Variants in RGS6 observed in about 807,000 individuals in gnomAD.
RGS6 encodes regulator of G-protein signaling 6.
Under a neutral mutation model 78.5 loss-of-function variants are expected in RGS6, and 30 were observed. That is an observed-to-expected ratio of 0.38 (90% CI 0.29 to 0.52). The LOEUF (loss-of-function observed/expected upper bound fraction) is 0.52. RGS6 is among the 20% of genes least tolerant of loss of function. The pLI, the probability that RGS6 is intolerant of heterozygous loss-of-function variation, is 0.85. For missense variants in RGS6, 495 were observed against 609.7 expected (o/e 0.81, Z 1.98); for synonymous variants, 206 against 206.0 (o/e 1.00, Z 0.00).
chr14:72,200,034 T>A (rs763507), intron 2 of RGS6, among the ~76,000 whole-genome samples: 1 of 151,950 alleles, frequency 6.6e-6, no homozygotes, highest in Non-Finnish European at 1.5e-5. Context: ...TAACCATTTC[T>A]GCACTGTGCT....
chr14:72,061,685 T>C (rs560797354), intron 2 of RGS6, among the ~76,000 whole-genome samples: 59 of 152,262 alleles, frequency 3.9e-4, no homozygotes, highest in African/African-American at 1.4e-3. Context: ...AAAAGACCAA[T>C]TATGAGTTAT....
chr14:72,603,081 C>G, the RGS6 span, among the ~76,000 whole-genome samples: 1 of 152,204 alleles, frequency 6.6e-6, no homozygotes, highest in Non-Finnish European at 1.5e-5. Context: ...GGGACTAAAT[C>G]TAATAATGTA....
At chr14:72,009,922 A>G (rs1280845365) in intron 2 of RGS6, among the ~76,000 whole-genome samples, 1 of 152,208 alleles carries the variant, frequency 6.6e-6, no homozygotes, top group East Asian at 1.9e-4. Flanking sequence ...TGCTGGAGGA[A>G]TCTAAATCCT....
chr14:72,065,516 T>C, intron 2 of RGS6, among the ~76,000 whole-genome samples: 1 of 152,194 alleles, frequency 6.6e-6, no homozygotes. Flanking sequence ...TTTATTATAA[T>C]TTACCCATGC....
chr14:71,892,958 A>T, the RGS6 span, among the ~76,000 whole-genome samples: 1 of 152,266 alleles, frequency 6.6e-6, no homozygotes, highest in Non-Finnish European at 1.5e-5. Context: ...AGCCAGCTTC[A>T]TGGGACGGCA....
chr14:71,935,802 C>G (rs1265859726), intron 1 of RGS6, among the ~76,000 whole-genome samples: 3 of 151,752 alleles, frequency 2.0e-5, no homozygotes, highest in African/African-American at 7.3e-5. Context: ...GTATTTATTG[C>G]TTTGACATGA....
chr14:72,541,290 G>A lies in RGS6; in HGVS notation c.1422+1196G>A, dbSNP rs377503446. On this transcript the variant is annotated intron_variant, in intron 17 of 17. Coordinates refer to ENST00000553525, the MANE Select transcript of RGS6 (RefSeq NM_001204424.2). ...AAAGTCTAAGGCTCCTGGGTTGAAA[G>A]CAGCCTAGTCATTTACGTGTCGTAG... 1.2e-5 allele frequency: 11 copies of A among 921,700 alleles called. No homozygotes were observed. The African/African-American group carries it at 1.4e-4, about 12-fold the overall frequency. The allele number at this position is 921,700 out of a possible 1,614,324, so 57.1% of individuals were successfully genotyped here.
the RGS6 span, among the ~76,000 whole-genome samples, chr14:72,607,901 A>C: frequency 6.6e-6 from 1 of 152,206 alleles, no homozygotes; most frequent in African/African-American, 2.4e-5. Flanking sequence ...ACGGCCCCAC[A>C]TTATGCTTAG....
chr14:71,993,586 C>T (rs2095060992), intron 2 of RGS6, among the ~76,000 whole-genome samples: 1 of 152,182 alleles, frequency 6.6e-6, no homozygotes, highest in Non-Finnish European at 1.5e-5. Flanking sequence ...AAGTGGCTTG[C>T]TCTGGCTTAT....
At chr14:72,286,522 A>AT (rs34090238) in intron 2 of RGS6, among the ~76,000 whole-genome samples, 45,304 of 149,268 alleles carry the variant, frequency 0.3, 6,915 homozygotes, top group East Asian at 0.51. Context: ...GAATTTTAGT[A>AT]TTTTTTTTTT....
At chr14:71,918,988 C>CTT in the RGS6 span, among the ~76,000 whole-genome samples, 30 of 149,576 alleles carry the variant, frequency 2.0e-4, no homozygotes, top group Non-Finnish European at 2.1e-4. Flanking sequence ...AAAATTTTTC[C>CTT]TTTTTTTTTT....
chr14:72,156,453 C>CAAAAAA (rs11332387), intron 2 of RGS6, among the ~76,000 whole-genome samples: 1 of 76,768 alleles, frequency 1.3e-5, no homozygotes, highest in Non-Finnish European at 2.4e-5. Context: ...GACTCCATCT[C>CAAAAAA]AAAAAAAAAA....
chr14:72,021,661 G>A (rs1354253389), intron 2 of RGS6, among the ~76,000 whole-genome samples: 4 of 151,334 alleles, frequency 2.6e-5, no homozygotes, highest in Non-Finnish European at 4.4e-5. Context: ...TTATAGAGAC[G>A]GGGTTTCACC....
chr14:72,298,983 A>G (rs770226375), intron 2 of RGS6, among the ~76,000 whole-genome samples: 4 of 151,976 alleles, frequency 2.6e-5, no homozygotes, highest in African/African-American at 7.3e-5. Context: ...CAATTTTTCT[A>G]TTTCTTCTTG....
At chr14:72,143,567 C>T (rs751024916) in intron 2 of RGS6, among the ~76,000 whole-genome samples, 2 of 152,090 alleles carry the variant, frequency 1.3e-5, no homozygotes, top group South Asian at 2.1e-4. Context: ...TAAAATGGCT[C>T]ATTTTGCCAA....
chr14:72,192,109 G>A (rs183866531), intron 2 of RGS6, among the ~76,000 whole-genome samples: 7 of 152,228 alleles, frequency 4.6e-5, no homozygotes, highest in East Asian at 1.9e-4. Flanking sequence ...CATTCTTATC[G>A]CACAGTGGCT....
At chr14:72,275,822 T>C (rs181978930) in intron 2 of RGS6, among the ~76,000 whole-genome samples, 36 of 152,262 alleles carry the variant, frequency 2.4e-4, no homozygotes, top group Non-Finnish European at 3.2e-4. Flanking sequence ...ATAACCAAAG[T>C]GTAGTATATA....
the RGS6 span, among the ~76,000 whole-genome samples, chr14:72,593,970 G>A: frequency 6.6e-6 from 1 of 151,242 alleles, no homozygotes; most frequent in Admixed American, 6.6e-5. Flanking sequence ...GGGTGGGGGC[G>A]ATTTTCCTAA....
intron 3 of RGS6, among the ~76,000 whole-genome samples, chr14:72,446,013 C>G (rs181924652): frequency 7.2e-5 from 11 of 152,284 alleles, no homozygotes; most frequent in Admixed American, 5.9e-4. Context: ...AATCCCAGCA[C>G]TTTGGGAGGC....
Sources: allele counts gnomAD v4.1 joint callset (sites outside exome capture counted in the v4.1 genomes callset), GRCh38; gene constraint gnomAD v4.1.1; transcripts MANE v1.5; gene names NCBI Gene and HGNC (gene_info 2026-07-23, HGNC 2026-07-21).